ASAP1: variants seen among roughly 807,000 people sequenced by gnomAD.
ASAP1 encodes arf-GAP with SH3 domain, ANK repeat and PH domain-containing protein 1.
In ASAP1, 43 loss-of-function variants were observed where a neutral mutation model predicts 145.2. That is an observed-to-expected ratio of 0.30 (90% confidence interval 0.23 to 0.38). The LOEUF (loss-of-function observed/expected upper bound fraction) is 0.38. Ranked by LOEUF, ASAP1 falls within the 10% of genes least tolerant of loss-of-function variation. The pLI is 1.00. For missense variants in ASAP1, 1,018 were observed against 1,355.3 expected (o/e 0.75, Z 3.91); for synonymous variants, 546 against 515.5 (o/e 1.06, Z -0.80).
chr8:130,134,488 G>T, intron 14 of ASAP1, 144 bp from the exon 15 acceptor site: 1 of 483,290 alleles, frequency 2.1e-6, no homozygotes, highest in Non-Finnish European at 3.6e-6. Flanking sequence ...TGTGCCAGGT[G>T]CCTTGTGTAT....
intron 1 of ASAP1, among the ~76,000 whole-genome samples, chr8:130,409,354 C>G (rs16904265): frequency 0.051 from 7,772 of 152,138 alleles, 340 homozygotes; most frequent in African/African-American, 0.13. Flanking sequence ...TTGTACTAAT[C>G]GCTAGGTCTT....
intron 3 of ASAP1, among the ~76,000 whole-genome samples, chr8:130,318,716 T>C (rs1823819732): frequency 6.6e-6 from 1 of 152,214 alleles, no homozygotes; most frequent in Non-Finnish European, 1.5e-5. Context: ...TTAAAACTAC[T>C]ACGTGATAGA....
intron 3 of ASAP1, among the ~76,000 whole-genome samples, chr8:130,317,498 G>C (rs940026400): frequency 6.6e-6 from 1 of 152,190 alleles, no homozygotes; most frequent in African/African-American, 2.4e-5. Context: ...AGAAGTGAAG[G>C]GGCTGGACCT....
chr8:130,353,902 T>C (rs1826148206), intron 3 of ASAP1, among the ~76,000 whole-genome samples: 1 of 151,954 alleles, frequency 6.6e-6, no homozygotes, highest in African/African-American at 2.4e-5. Context: ...ATTTTTTTTT[T>C]TTGAGACGGA....
intron 2 of ASAP1, among the ~76,000 whole-genome samples, chr8:130,377,861 T>C (rs1292335331): frequency 6.6e-6 from 1 of 152,162 alleles, no homozygotes; most frequent in Non-Finnish European, 1.5e-5. Context: ...CCTTTGAGGA[T>C]CTGGGTGCCC....
rs374802345 is a variant in ASAP1, at chr8:130,058,017, G to A, written c.3252C>T (p.Asp1084=). 19 of 1,614,114 alleles carry A rather than the reference G, an allele frequency of 1.2e-5. No individual in the cohort carries two copies. Among genetic ancestry groups the A allele is most frequent in the Middle Eastern group, 1.6e-4 (1 of 6,062 alleles). The change falls in exon 29 of 30, where the codon GAC becomes GAT. Residue 1084 remains aspartate (D), a synonymous_variant. Coordinates refer to ENST00000518721, the MANE Select transcript of ASAP1 (RefSeq NM_018482.4). ...CTTCTCCCTCGATGAATGTGAGCTC[G>A]TCATCGTTGTCTGCCTGGCAGTCAT... The part of the protein sequence containing the change: ...TIYDCQADND[D]ELTFIEGEVI...
chr8:130,098,436 C>A (rs972670974), intron 24 of ASAP1, among the ~76,000 whole-genome samples: 1 of 152,088 alleles, frequency 6.6e-6, no homozygotes, highest in Non-Finnish European at 1.5e-5. Context: ...GTCCACCTCC[C>A]GGGTTCAAGC....
At chr8:130,154,673 C>T (rs902181268) in intron 12 of ASAP1, among the ~76,000 whole-genome samples, 1 of 152,164 alleles carries the variant, frequency 6.6e-6, no homozygotes, top group Non-Finnish European at 1.5e-5. Flanking sequence ...AATTTAAAAC[C>T]ATCTCTAAAC....
chr8:130,178,532 A>G (rs888666483), intron 9 of ASAP1, among the ~76,000 whole-genome samples: 7 of 152,284 alleles, frequency 4.6e-5, no homozygotes, highest in African/African-American at 1.7e-4. Context: ...GAATCCATGT[A>G]CAAATGCAAA....
At chr8:130,146,618 C>T (rs2097631303) in intron 13 of ASAP1, among the ~76,000 whole-genome samples, 1 of 152,184 alleles carries the variant, frequency 6.6e-6, no homozygotes, top group South Asian at 2.1e-4. Flanking sequence ...ACATTAATAG[C>T]AAAGAAGAGA....
intron 4 of ASAP1, among the ~76,000 whole-genome samples, chr8:130,231,795 A>C (rs991234067): frequency 2.6e-5 from 4 of 152,198 alleles, no homozygotes; most frequent in Non-Finnish European, 5.9e-5. Context: ...AGTATGTCTC[A>C]CTGTGTTTTT....
chr8:130,125,515 T>C (rs748749311), intron 17 of ASAP1, among the ~76,000 whole-genome samples: 8 of 152,198 alleles, frequency 5.3e-5, no homozygotes, highest in Non-Finnish European at 8.8e-5. Flanking sequence ...ATGACAATAG[T>C]TAACAAGCCA....
intron 9 of ASAP1, among the ~76,000 whole-genome samples, chr8:130,169,372 T>C (rs886095235): frequency 1.3e-5 from 2 of 152,210 alleles, no homozygotes; most frequent in African/African-American, 4.8e-5. Context: ...AACGTACATA[T>C]GCATCTATAC....
In ASAP1 at chr8:130,169,038, T is replaced by C; in HGVS notation, c.776A>G (p.Asp259Gly). 1 of 1,573,058 alleles carries C rather than the reference T, an allele frequency of 6.4e-7. No homozygotes were observed. Among genetic ancestry groups the C allele is most frequent in the Non-Finnish European group, 8.6e-7 (1 of 1,163,298 alleles). ...NFFQDGLKTA[D>G]KLKQYIEKLA... Reference sequence around the variant, plus strand: ...TTTTTCAATGTACTGTTTCAACTTATCAGCTGTTTTCAAGCCATCTTGAAA... The same window carrying C: ...TTTTTCAATGTACTGTTTCAACTTACCAGCTGTTTTCAAGCCATCTTGAAA... The change falls in exon 10 of 30, where the codon GAT (aspartate) becomes GGT (glycine). Residue 259 changes from aspartate (D) to glycine (G), a missense_variant. Asp to Gly is a moderately conservative substitution (Grantham distance 94, BLOSUM62 -1). Transcript: ENST00000518721.
In ASAP1 at chr8:130,131,603, GAAAAAA is replaced by G. The variant is rs1159191172; in HGVS notation, c.1217+2687_1217+2692del. On this transcript the variant is annotated intron_variant, in intron 15 of 29. Coordinates refer to ENST00000518721, the MANE Select transcript of ASAP1 (RefSeq NM_018482.4). ...ACAACAGCAAGACCTCATGGCTACT[GAAAAAA>G]AAAAAAAAAAAAAAAAAAAAAGAAA... Among the ~76,000 whole-genome samples the G allele has an allele frequency of 2.3e-3, 146 of 63,078 alleles. 2 individuals are homozygous for G. The South Asian group carries it at 0.025, about 11-fold the overall frequency. 41.4% of individuals were successfully genotyped at this position (63,078 alleles called of 152,430 possible). A position where few individuals can be genotyped will look rare whatever the true frequency, so the allele number is the denominator to read the frequency against.
intron 1 of ASAP1, among the ~76,000 whole-genome samples, chr8:130,411,014 C>T (rs969529625): frequency 2.0e-5 from 3 of 152,192 alleles, no homozygotes; most frequent in Admixed American, 6.5e-5. Context: ...GCACCCACCA[C>T]CATGTCCAGC....
rs2097596389 is a variant in ASAP1 at position 130,136,981 on chromosome 8, C to T, written c.1138G>A (p.Glu380Lys). ...ATCAGGTCAAAAGATTTTTTGTCTT[C>T]GGCATTAGGTTTTACTTGGCAGGTG... ...LLTCQVKPNA[E>K]DKKSFDLISH... Residue 380 changes from glutamate to lysine, a missense_variant, in exon 14 of 30, where the codon GAA becomes AAA. Around this residue, in one of 9 missense-constraint regions of ASAP1, gnomAD observed 27 missense variants for 88.2 expected, o/e 0.31. Coordinates refer to ENST00000518721, the MANE Select transcript of ASAP1 (RefSeq NM_018482.4). The T allele has an allele frequency of 6.2e-7, 1 of 1,614,150 alleles. No homozygotes were observed. The highest frequency in any genetic ancestry group is 8.5e-7 in the Non-Finnish European group (1 of 1,180,012).
At chr8:130,361,690 C>G in intron 2 of ASAP1, 2 of 1,534,504 alleles carry the variant, frequency 1.3e-6, no homozygotes, top group Non-Finnish European at 1.7e-6. Flanking sequence ...CCATAATCCT[C>G]TTTAAATTTG....
intron 2 of ASAP1, among the ~76,000 whole-genome samples, chr8:130,399,978 C>A (rs1413899137): frequency 6.6e-6 from 1 of 152,114 alleles, no homozygotes; most frequent in Non-Finnish European, 1.5e-5. Context: ...TGCCACCATG[C>A]CCAGCTAATT....
Sources: allele counts gnomAD v4.1 joint callset (sites outside exome capture counted in the v4.1 genomes callset), GRCh38; gene constraint gnomAD v4.1.1; regional missense constraint gnomAD v4.1.1; transcripts MANE v1.5; gene names NCBI Gene and HGNC (gene_info 2026-07-23, HGNC 2026-07-21).